STRBP: variants seen among roughly 807,000 people sequenced by gnomAD.
STRBP encodes the protein spermatid perinuclear RNA-binding protein.
STRBP carries 13 observed loss-of-function variants against 80.1 expected under a neutral mutation model. That is an observed-to-expected ratio of 0.16 (90% confidence interval 0.11 to 0.26). The LOEUF is 0.26. STRBP is among the 10% of genes least tolerant of loss of function. The pLI is 1.00. For missense variants in STRBP, 485 were observed against 815.2 expected (o/e 0.59, Z 4.93); for synonymous variants, 284 against 291.2 (o/e 0.98, Z 0.25).
rs201182444 is a variant in STRBP at position 123,125,423 on chromosome 9, C to A, written c.*174G>T. The stretch of plus-strand genomic sequence containing the variant: ...CAGAACTGGTTTCTTTTTTTTTTTT[C>A]AAGTTTTAGAGAACTAAATTTGCAT... On this transcript the variant is annotated 3_prime_UTR_variant, in exon 19 of 19. Coordinates refer to ENST00000348403, the MANE Select transcript of STRBP (RefSeq NM_018387.5). 8.0e-6 allele frequency: 9 copies of A among 1,128,894 alleles called. No homozygotes were observed. Among genetic ancestry groups the A allele is most frequent in the East Asian group, 9.0e-5 (2 of 22,304 alleles). The allele number at this position is 1,128,894 out of a possible 1,614,324, so 69.9% of individuals were successfully genotyped here.
chr9:123,255,236 A>G (rs2041004710), intron 1 of STRBP, among the ~76,000 whole-genome samples: 1 of 152,234 alleles, frequency 6.6e-6, no homozygotes, highest in Non-Finnish European at 1.5e-5. Flanking sequence ...TGTTAAAGAA[A>G]TGTTTTGGCA....
At chr9:123,177,551 C>A (rs1281940532) in intron 4 of STRBP, among the ~76,000 whole-genome samples, 5 of 152,024 alleles carry the variant, frequency 3.3e-5, no homozygotes, top group South Asian at 4.2e-4. Flanking sequence ...CCAGCCTGGG[C>A]AACAGAGCAC....
At chr9:123,171,490 C>T (rs940090360) in intron 5 of STRBP, among the ~76,000 whole-genome samples, 1 of 152,048 alleles carries the variant, frequency 6.6e-6, no homozygotes, top group Non-Finnish European at 1.5e-5. Flanking sequence ...GCAGGAGGGG[C>T]GGAGGGTGCT....
chr9:123,170,223 C>T (rs533952119), intron 5 of STRBP, among the ~76,000 whole-genome samples, 177 bp from the exon 6 acceptor site: 1 of 152,312 alleles, frequency 6.6e-6, no homozygotes, highest in South Asian at 2.1e-4. Flanking sequence ...CTCCTCCCAA[C>T]TTACAAGAAA....
chr9:123,258,417 G>A (rs941259370), intron 1 of STRBP, among the ~76,000 whole-genome samples: 1 of 152,266 alleles, frequency 6.6e-6, no homozygotes, highest in Non-Finnish European at 1.5e-5. Context: ...GAGACAAGAT[G>A]GAGCCAAGCA....
intron 3 of STRBP, 72 bp from the exon 4 acceptor site, chr9:123,179,299 T>C (rs1198077943): frequency 8.4e-6 from 11 of 1,312,260 alleles, no homozygotes; most frequent in Non-Finnish European, 1.1e-5. Context: ...TATACAACTA[T>C]ATCTTTAGCC....
chr9:123,228,040 T>C (rs188325565), intron 2 of STRBP, among the ~76,000 whole-genome samples: 136 of 152,198 alleles, frequency 8.9e-4, no homozygotes, highest in African/African-American at 2.9e-3. Flanking sequence ...CTGCAGATAT[T>C]TTAAGGTGAG....
At chr9:123,187,215 T>C (rs1403666441) in intron 2 of STRBP, among the ~76,000 whole-genome samples, 1 of 151,666 alleles carries the variant, frequency 6.6e-6, no homozygotes, top group East Asian at 1.9e-4. Context: ...TCTTTAATAC[T>C]GTTTTGGCTC....
chr9:123,145,030 T>C (rs942196338), intron 13 of STRBP, among the ~76,000 whole-genome samples: 1 of 152,212 alleles, frequency 6.6e-6, no homozygotes. Flanking sequence ...GGGCAAATCT[T>C]AAACTCTTCA....
intron 11 of STRBP, among the ~76,000 whole-genome samples, chr9:123,154,047 T>A (rs188354050): frequency 1.3e-5 from 2 of 152,204 alleles, no homozygotes; most frequent in Non-Finnish European, 2.9e-5. Context: ...TTTTTGAGGA[T>A]ACAGGGCAAC....
At chr9:123,267,293 C>G (rs564022241) in intron 1 of STRBP, among the ~76,000 whole-genome samples, 2 of 151,878 alleles carry the variant, frequency 1.3e-5, no homozygotes, top group African/African-American at 4.8e-5. Context: ...GCATAAACAC[C>G]CTCCATTTCA....
Position 123,136,486 on chromosome 9 carries a change from T to C in STRBP, c.1527A>G (p.Ala509=). The change falls in exon 15 of 19, where the codon GCA becomes GCG. Residue 509 remains alanine, a synonymous_variant. Transcript: ENST00000348403. This position sits in a 1 kb window ranked among gnomAD's most constrained non-coding sequence, Gnocchi z 4.2. ...EVRTQGPILT[A]SGKNPVMELN... is the part of the protein sequence containing the mutation. ...GCTCCATTACAGGGTTTTTGCCACT[T>C]GCTGTGAGGATAGGGCCCTGAGTTC... The C allele has an allele frequency of 1.2e-6, 2 of 1,614,124 alleles. No homozygotes were observed. Among genetic ancestry groups the C allele is most frequent in the East Asian group, 4.5e-5 (2 of 44,882 alleles).
rs2036349141 is a variant in STRBP, at chr9:123,136,246, T to C, written c.1633-65A>G. The C allele has an allele frequency of 6.2e-7, 1 of 1,603,528 alleles. No homozygotes were observed. The highest frequency in any genetic ancestry group is 1.1e-5 in the South Asian group (1 of 89,672). ...TTCCTCTATGTCCTTTTAATTTAAA[T>C]AGATTATGACACAGAAAACACCAAA... On this transcript the variant is annotated intron_variant, in intron 15 of 18. Coordinates refer to ENST00000348403, the MANE Select transcript of STRBP (RefSeq NM_018387.5). This position sits in a 1 kb window ranked among gnomAD's most constrained non-coding sequence, Gnocchi z 4.2.
chr9:123,148,473 T>C (rs2036915685), intron 11 of STRBP, among the ~76,000 whole-genome samples: 1 of 152,210 alleles, frequency 6.6e-6, no homozygotes, highest in African/African-American at 2.4e-5. Context: ...ATTCACGTTA[T>C]ATGCATGAAG....
chr9:123,208,565 C>T (rs2039602749), intron 2 of STRBP, among the ~76,000 whole-genome samples: 1 of 152,198 alleles, frequency 6.6e-6, no homozygotes, highest in South Asian at 2.1e-4. Context: ...CAACTGCTGA[C>T]ATTTGCCATT....
chr9:123,134,302 TGAAA>T (rs923304697), intron 16 of STRBP, among the ~76,000 whole-genome samples: 3 of 152,204 alleles, frequency 2.0e-5, no homozygotes, highest in Non-Finnish European at 4.4e-5. Context: ...TCTAAGAAGC[TGAAA>T]GAGTCAGAAT....
At position 123,159,216 on chromosome 9, in the gene STRBP, T is replaced by C. The variant is rs1299720766; in HGVS notation, c.724-9A>G. On this transcript the variant is annotated splice_polypyrimidine_tract_variant and intron_variant, in intron 8 of 18. Transcript: ENST00000348403. Reference sequence around the variant, plus strand: ...CATATAAGTTCTAGTGGCTAGAAGATATTAAATTACAAATTAGTACATGCA... The same window carrying C: ...CATATAAGTTCTAGTGGCTAGAAGACATTAAATTACAAATTAGTACATGCA... The C allele has an allele frequency of 6.3e-7, 1 of 1,590,724 alleles. No individual in the cohort carries two copies. Among genetic ancestry groups the C allele is most frequent in the South Asian group, 1.1e-5 (1 of 90,186 alleles).
chr9:123,223,112 T>TA (rs1429539427), intron 2 of STRBP, among the ~76,000 whole-genome samples: 2 of 151,740 alleles, frequency 1.3e-5, no homozygotes, highest in African/African-American at 4.8e-5. Context: ...TGAGCTCATC[T>TA]AAAAAAAGCT....
intron 14 of STRBP, among the ~76,000 whole-genome samples, chr9:123,138,947 T>G (rs1195457512): frequency 2.0e-5 from 3 of 152,240 alleles, no homozygotes; most frequent in African/African-American, 7.2e-5. Flanking sequence ...ATGGGTTCCA[T>G]GAACTCCCCA....
Sources: allele counts gnomAD v4.1 joint callset (sites outside exome capture counted in the v4.1 genomes callset), GRCh38; gene constraint gnomAD v4.1.1; non-coding constraint Gnocchi (gnomAD v3.1); transcripts MANE v1.5; gene names NCBI Gene and HGNC (gene_info 2026-07-23, HGNC 2026-07-21).